Variants in DHX36 observed in about 807,000 individuals in gnomAD.
The protein encoded by DHX36 is ATP-dependent DNA/RNA helicase DHX36.
In DHX36, 50 loss-of-function variants were observed where a neutral mutation model predicts 139.0. The observed-to-expected ratio is 0.36, with a 90% confidence interval of 0.29 to 0.46. The LOEUF (loss-of-function observed/expected upper bound fraction) is 0.46, where lower values mean the gene tolerates loss of function less well. Ranked by LOEUF, DHX36 falls within the 20% of genes least tolerant of loss-of-function variation. The pLI is 1.00. For synonymous variants in DHX36, 425 were observed against 401.9 expected, an observed-to-expected ratio of 1.06 and a Z score of -0.69; for missense variants, 1,024 against 1,211.3, an observed-to-expected ratio of 0.85 and a Z score of 2.29.
chr3:154,306,325 A>G (rs1472180377), intron 5 of DHX36, 30 bp from the exon 6 acceptor site: 1 of 1,569,746 alleles, frequency 6.4e-7, no homozygotes. Context: ...TAAAGAGAAT[A>G]TAATTTCCTT....
At chr3:154,322,830 A>T (rs1429913779) in intron 1 of DHX36, among the ~76,000 whole-genome samples, 1 of 152,228 alleles carries the variant, frequency 6.6e-6, no homozygotes, top group East Asian at 1.9e-4. Context: ...ACAGAGCCTT[A>T]ATAAATAAAA....
chr3:154,279,131 C>G (rs560892258), intron 22 of DHX36: 1 of 152,218 alleles, frequency 6.6e-6, no homozygotes, highest in Non-Finnish European at 1.5e-5. Context: ...GTGTGAGCCA[C>G]TGTGCCTGGC....
At chr3:154,290,739 G>A (rs1711760891) in intron 15 of DHX36, among the ~76,000 whole-genome samples, 1 of 151,542 alleles carries the variant, frequency 6.6e-6, no homozygotes, top group South Asian at 2.1e-4. Context: ...GAACAAAAAT[G>A]AATTCTAAAA....
intron 12 of DHX36, 114 bp downstream of exon 12, chr3:154,299,724 C>T (rs745810109): frequency 6.4e-6 from 5 of 776,030 alleles, no homozygotes; most frequent in Non-Finnish European, 9.2e-6. Context: ...AAAGCTTCAC[C>T]TTCATCTGTG....
rs534358192 is a variant in DHX36 at position 154,282,120 on chromosome 3, TTTCA to T, written c.2376+1064_2376+1067del. Among the ~76,000 whole-genome samples, 55 of 152,278 alleles carry T rather than the reference TTTCA, an allele frequency of 3.6e-4. 1 individual carries two copies. The highest frequency in any genetic ancestry group is 2.9e-3 in the South Asian group (14 of 4,830). ...ATGCTTCTGTTCACTTCTCTGTTCA[TTTCA>T]TTATTTCCATTTCAAAACGTGTTCT... On this transcript the variant is annotated intron_variant, in intron 20 of 24. Transcript: ENST00000496811.
At chr3:154,314,852 T>G (rs1467039928) in intron 3 of DHX36, 194 bp downstream of exon 3, 3 of 517,394 alleles carry the variant, frequency 5.8e-6, no homozygotes, top group Non-Finnish European at 1.0e-5. Context: ...GTGGATGAGA[T>G]AGGATACTGT....
At chr3:154,290,010 C>T (rs1417382354) in intron 15 of DHX36, among the ~76,000 whole-genome samples, 184 bp from the exon 16 acceptor site, 1 of 151,822 alleles carries the variant, frequency 6.6e-6, no homozygotes, top group Non-Finnish European at 1.5e-5. Flanking sequence ...TTTAGAAAAA[C>T]GTTATACCCT....
chr3:154,312,852 AATATATATATATATATATATAT>A lies in DHX36; in HGVS notation c.604-1200_604-1179del, dbSNP rs67771264. ...CAAAAAAAAAAAAGGAAATAATTAAAATATATATATATATATATATATATATATATATATATATATATATATA... is the reference window on the plus strand; with the variant it reads ...CAAAAAAAAAAAAGGAAATAATTAAAATATATATATATATATATATATATA... On this transcript the variant is annotated intron_variant, in intron 3 of 24. Transcript: ENST00000496811. 8.1e-3 allele frequency among the ~76,000 whole-genome samples: 323 copies of A among 39,768 alleles called. 10 individuals carry two copies. Among genetic ancestry groups the A allele is most frequent in the Middle Eastern group, 0.062 (2 of 32 alleles). The allele number at this position is 39,768 out of a possible 152,430, so 26.1% of individuals were successfully genotyped here. A position where few individuals can be genotyped will look rare whatever the true frequency, so the allele number is the denominator to read the frequency against.
chr3:154,292,288 A>G (rs1360220296), intron 15 of DHX36, among the ~76,000 whole-genome samples: 2 of 152,228 alleles, frequency 1.3e-5, no homozygotes, highest in Non-Finnish European at 2.9e-5. Flanking sequence ...TAAAAAAATG[A>G]AAACCAACTA....
chr3:154,277,825 A>C (rs775161005), intron 22 of DHX36, 107 bp from the exon 23 acceptor site: 3 of 1,059,156 alleles, frequency 2.8e-6, no homozygotes, highest in Non-Finnish European at 3.9e-6. Flanking sequence ...AAAACCAAAC[A>C]AATCCCGGAA....
In DHX36 at chr3:154,275,866, C is replaced by A. The variant is rs1719130141; in HGVS notation, c.*305G>T. The A allele has an allele frequency of 5.5e-6, 1 of 180,628 alleles. No homozygotes were observed. The highest frequency in any genetic ancestry group is 1.1e-5 in the Non-Finnish European group (1 of 87,802). 11.2% of individuals were successfully genotyped at this position (180,628 alleles called of 1,614,324 possible). Reference sequence around the variant, plus strand: ...GAAAGATTAATTTTGTATAACAGAACAAAGGAATTTCTCAAGTGGTACAAT... The same window carrying A: ...GAAAGATTAATTTTGTATAACAGAAAAAAGGAATTTCTCAAGTGGTACAAT... On this transcript the variant is annotated 3_prime_UTR_variant, in exon 25 of 25. Coordinates refer to ENST00000496811, the MANE Select transcript of DHX36 (RefSeq NM_020865.3).
rs1179249482 is a variant in DHX36 at position 154,300,643 on chromosome 3, T to C, written c.1412A>G (p.Asp471Gly). ...VIEMMEDDKVDLNLIVALIRY... is the reference protein window; with the variant it reads ...VIEMMEDDKVGLNLIVALIRY... ...GATGAGGGCAACAATCAAATTCAGA[T>C]CAACTTTATCATCCTCCATCATTTC... Residue 471 changes from aspartate (D) to glycine (G), a missense_variant, in exon 11 of 25, where the codon GAT becomes GGT. Around this residue, in one of 4 missense-constraint regions of DHX36, gnomAD observed 115 missense variants for 105.6 expected, o/e 1.09. Coordinates refer to ENST00000496811, the MANE Select transcript of DHX36 (RefSeq NM_020865.3). 3 of 1,613,912 alleles carry C rather than the reference T, an allele frequency of 1.9e-6. No individual in the cohort carries two copies. The highest frequency in any genetic ancestry group is 2.2e-5 in the South Asian group (2 of 91,074).
Position 154,315,283 on chromosome 3 carries a change from G to A in DHX36, c.369-3C>T, listed in dbSNP as rs1430458232. ...TAGTAGAAACTTCAGTACCGTATCT[G>A]TTTTGACAAAATAAGAAAGGAAGAA... On this transcript the variant is annotated splice_region_variant and splice_polypyrimidine_tract_variant and intron_variant, in intron 2 of 24. Transcript: ENST00000496811. The A allele has an allele frequency of 5.6e-6, 9 of 1,598,036 alleles. No individual in the cohort carries two copies. Among genetic ancestry groups the A allele is most frequent in the Non-Finnish European group, 6.8e-6 (8 of 1,172,892 alleles).
At position 154,290,910 on chromosome 3, in the gene DHX36, G is replaced by A. The variant is rs573105418; in HGVS notation, c.1815-1084C>T. Among the ~76,000 whole-genome samples the A allele has an allele frequency of 2.6e-5, 4 of 151,072 alleles. No homozygotes were observed. The East Asian group carries it at 5.9e-4, about 22-fold the overall frequency. ...AGCACTTTGGGAGGCCGAGGCGGGC[G>A]GATCACGAGGTCAGGAGATCGAGAC... On this transcript the variant is annotated intron_variant, in intron 15 of 24. Coordinates refer to ENST00000496811, the MANE Select transcript of DHX36 (RefSeq NM_020865.3).
intron 8 of DHX36, 67 bp from the exon 9 acceptor site, chr3:154,303,477 A>ATAGAGTC: frequency 8.7e-7 from 1 of 1,145,846 alleles, no homozygotes; most frequent in Non-Finnish European, 1.3e-6. Context: ...ATATACTGTA[A>ATAGAGTC]ATAGGACAAT....
At chr3:154,276,422 A>AGTTTCATTTATT in intron 24 of DHX36, 66 bp from the exon 25 acceptor site, 1 of 1,426,510 alleles carries the variant, frequency 7.0e-7, no homozygotes, top group Non-Finnish European at 9.6e-7. Flanking sequence ...ATAATAAATG[A>AGTTTCATTTATT]AACTAATTTA....
chr3:154,303,136 AG>A (rs1712366601), intron 9 of DHX36, among the ~76,000 whole-genome samples, 192 bp downstream of exon 9: 1 of 152,160 alleles, frequency 6.6e-6, no homozygotes, highest in Admixed American at 6.5e-5. Context: ...TAATTTAGGT[AG>A]GGAGTATAAA....
intron 3 of DHX36, among the ~76,000 whole-genome samples, chr3:154,313,436 T>C (rs1285092467): frequency 6.6e-6 from 1 of 152,082 alleles, no homozygotes; most frequent in Non-Finnish European, 1.5e-5. Flanking sequence ...TTACAGAATT[T>C]GGGGAGGTGG....
chr3:154,305,953 T>C (rs557794655), intron 6 of DHX36, among the ~76,000 whole-genome samples: 2 of 152,264 alleles, frequency 1.3e-5, no homozygotes, highest in South Asian at 2.1e-4. Flanking sequence ...AGAGTAATGG[T>C]CTACTAATCT....
Sources: gnomAD v4.1 joint callset for allele counts (sites outside exome capture counted in the v4.1 genomes callset) on GRCh38, gnomAD v4.1.1 for gene constraint, gnomAD v4.1.1 regional missense constraint, MANE v1.5 for transcripts, NCBI Gene and HGNC (gene_info 2026-07-23, HGNC 2026-07-21) for gene names.